DCLRE1C: variants seen among roughly 807,000 people sequenced by gnomAD.
The protein encoded by DCLRE1C is DNA cross-link repair 1C.
In DCLRE1C, 47 loss-of-function variants were observed where a neutral mutation model predicts 61.4. The observed-to-expected ratio is 0.77, with a 90% confidence interval of 0.61 to 0.98. DCLRE1C has a LOEUF of 0.98. Ranked by LOEUF, DCLRE1C falls within the 50% of genes least tolerant of loss-of-function variation. The pLI, the probability that DCLRE1C is intolerant of heterozygous loss-of-function variation, is 0.00. For synonymous variants in DCLRE1C, 337 were observed against 287.6 expected, an observed-to-expected ratio of 1.17 and a Z score of -1.74; for missense variants, 858 against 816.0, an observed-to-expected ratio of 1.05 and a Z score of -0.63.
At chr10:14,911,684 G>C (rs1835282838) in intron 13 of DCLRE1C, among the ~76,000 whole-genome samples, 1 of 151,960 alleles carries the variant, frequency 6.6e-6, no homozygotes, top group South Asian at 2.1e-4. Flanking sequence ...AGACAAGTCT[G>C]AGAAAATATT....
chr10:14,899,023 C>G (rs1564344334), exon 14 of DCLRE1C: 2 of 575,444 alleles, frequency 3.5e-6, no homozygotes, highest in Admixed American at 3.0e-5. Context: ...ATGTACTGCT[C>G]AAATCCTGTT....
At position 14,953,975 on chromosome 10, in the gene DCLRE1C, T is replaced by G. The variant is rs148108773; in HGVS notation, c.36A>C (p.Pro12=). The change falls in exon 1 of 14, where the codon CCA becomes CCC. Residue 12 remains proline (P), a synonymous_variant. Coordinates refer to ENST00000378278, the MANE Select transcript of DCLRE1C (RefSeq NM_001033855.3). ...SSFEGQMAEY[P]TISIDRFDRE... is the part of the protein sequence containing the mutation. Reference sequence around the variant, plus strand: ...TATCGAAGCGGTCTATGGAGATAGTTGGATACTCGGCCATCTGCCCCTCGA... The same window carrying G: ...TATCGAAGCGGTCTATGGAGATAGTGGGATACTCGGCCATCTGCCCCTCGA... 1.8e-4 allele frequency: 285 copies of G among 1,614,074 alleles called. No homozygotes were observed. In the African/African-American group the frequency reaches 3.5e-3, roughly 20 times the overall value.
intron 13 of DCLRE1C, among the ~76,000 whole-genome samples, chr10:14,910,089 T>A (rs574088527): frequency 6.6e-6 from 1 of 152,168 alleles, no homozygotes; most frequent in East Asian, 1.9e-4. Context: ...TCTGGTGTTA[T>A]AATAATCCAC....
At chr10:14,900,982 T>C, downstream of DCLRE1C, 1 of 910,864 alleles carries the variant, frequency 1.1e-6, no homozygotes, top group Non-Finnish European at 1.6e-6. Flanking sequence ...TCTTTTTAAA[T>C]GTGCATGCCT....
At chr10:14,933,435 G>C (rs947148968) in intron 8 of DCLRE1C, among the ~76,000 whole-genome samples, 23 of 152,130 alleles carry the variant, frequency 1.5e-4, no homozygotes, top group African/African-American at 4.6e-4. Context: ...TCAGGAGATC[G>C]AGACCAGCCT....
intron 4 of DCLRE1C, among the ~76,000 whole-genome samples, chr10:14,938,525 G>C (rs945380238): frequency 2.6e-5 from 4 of 152,050 alleles, no homozygotes; most frequent in African/African-American, 9.7e-5. Context: ...GCAAAGCAGT[G>C]TGCTATAATC....
chr10:14,912,381 T>C (rs1270514178), intron 13 of DCLRE1C, among the ~76,000 whole-genome samples: 1 of 152,124 alleles, frequency 6.6e-6, no homozygotes, highest in Non-Finnish European at 1.5e-5. Flanking sequence ...CTAGTATGTG[T>C]TATTTTCTTA....
intron 11 of DCLRE1C, chr10:14,923,351 A>G (rs1457417600): frequency 1.1e-5 from 4 of 378,566 alleles, no homozygotes; most frequent in Non-Finnish European, 9.8e-6. Context: ...GCTGAGAATC[A>G]CCAATGGGAC....
intron 2 of DCLRE1C, among the ~76,000 whole-genome samples, chr10:14,947,239 C>CA (rs1456868245): frequency 7.6e-6 from 1 of 131,458 alleles, no homozygotes; most frequent in Non-Finnish European, 1.7e-5. Flanking sequence ...AACAAACAAA[C>CA]AAAAAAACAT....
intron 13 of DCLRE1C, among the ~76,000 whole-genome samples, chr10:14,913,340 T>TCCCC (rs1222113320): frequency 3.3e-5 from 5 of 152,386 alleles, no homozygotes; most frequent in Admixed American, 6.5e-5. Context: ...AATTCTGTTA[T>TCCCC]ACTAACAGTC....
intron 12 of DCLRE1C, among the ~76,000 whole-genome samples, chr10:14,920,131 G>T (rs1348846117): frequency 6.6e-6 from 1 of 152,134 alleles, no homozygotes; most frequent in Non-Finnish European, 1.5e-5. Context: ...GTAAAACTTA[G>T]ATCTTTGCTC....
intron 13 of DCLRE1C, chr10:14,899,488 G>C (rs138209139): frequency 6.3e-7 from 1 of 1,590,424 alleles, no homozygotes; most frequent in African/African-American, 1.3e-5. Flanking sequence ...GTAGATGAAT[G>C]CTTCTTTGGT....
chr10:14,911,060 A>T (rs2131800368), intron 13 of DCLRE1C: 1 of 152,166 alleles, frequency 6.6e-6, no homozygotes, highest in Admixed American at 6.5e-5. Context: ...CTGCACAGAA[A>T]CTCTGAAAAG....
rs527632069 is a variant in DCLRE1C, at chr10:14,932,398, G to A, written c.780+456C>T. 5.3e-5 allele frequency among the ~76,000 whole-genome samples: 8 copies of A among 152,216 alleles called. No homozygotes were observed. In the South Asian group the frequency reaches 1.2e-3, roughly 24 times the overall value. On this transcript the variant is annotated intron_variant, in intron 9 of 13. Coordinates refer to ENST00000378278, the MANE Select transcript of DCLRE1C (RefSeq NM_001033855.3). ...CACGCCTGTAGTACCAGCACTTTGG[G>A]AGGCCGAGGGAGGCGGATCACGAGG...
chr10:14,953,482 T>G (rs967017916), intron 1 of DCLRE1C, among the ~76,000 whole-genome samples: 1 of 152,094 alleles, frequency 6.6e-6, no homozygotes, highest in Non-Finnish European at 1.5e-5. Context: ...TTAGGCGGGC[T>G]GTTCCACAGT....
intron 1 of DCLRE1C, among the ~76,000 whole-genome samples, chr10:14,953,301 C>A (rs992509293): frequency 3.9e-5 from 6 of 152,170 alleles, no homozygotes; most frequent in African/African-American, 1.2e-4. Flanking sequence ...ACCTTAATCC[C>A]TAAATCGGCC....
intron 5 of DCLRE1C, 45 bp from the exon 6 acceptor site, chr10:14,935,609 C>A (rs747064498): frequency 8.9e-6 from 14 of 1,570,012 alleles, no homozygotes; most frequent in African/African-American, 5.4e-5. Flanking sequence ...CTCATATAAA[C>A]TCCCAATAAA....
At chr10:14,914,953 A>T (rs1835919688) in intron 13 of DCLRE1C, among the ~76,000 whole-genome samples, 1 of 152,038 alleles carries the variant, frequency 6.6e-6, no homozygotes, top group African/African-American at 2.4e-5. Context: ...AAAAAAAAAA[A>T]ATCATACAAA....
At chr10:14,935,400 C>A in intron 6 of DCLRE1C, 63 bp downstream of exon 6, 14 of 1,561,008 alleles carry the variant, frequency 9.0e-6, no homozygotes, top group Non-Finnish European at 1.1e-5. Flanking sequence ...CTGGGCGACA[C>A]AGCAAGACTC....
Sources: gnomAD v4.1 joint callset for allele counts (sites outside exome capture counted in the v4.1 genomes callset) on GRCh38, gnomAD v4.1.1 for gene constraint, MANE v1.5 for transcripts, NCBI Gene and HGNC (gene_info 2026-07-23, HGNC 2026-07-21) for gene names.